The following EYS variants were observed in gnomAD, a reference collection of about 807,000 sequenced individuals.
EYS encodes EGF-like photoreceptor maintenance factor, also known as protein eyes shut homolog.
Under a neutral mutation model 282.1 loss-of-function variants are expected in EYS, and 250 were observed. The ratio of observed to expected loss-of-function variants is 0.89; its 90% confidence interval spans 0.80 to 0.98. The LOEUF is 0.98. Ranked by LOEUF, EYS falls within the 50% of genes least tolerant of loss-of-function variation. The pLI is 0.00. For missense variants in EYS, 4,016 were observed against 3,709.0 expected (o/e 1.08, Z -2.15); for synonymous variants, 1,355 against 1,282.9 (o/e 1.06, Z -1.20).
At chr6:64,567,880 A>G (rs1582903107) in intron 26 of EYS, among the ~76,000 whole-genome samples, 1 of 152,212 alleles carries the variant, frequency 6.6e-6, no homozygotes, top group Non-Finnish European at 1.5e-5. Context: ...CAGTACAACT[A>G]AAACAAGGGT....
rs1388356704 is a variant in EYS at position 64,822,729 on chromosome 6, T to G, written c.3086A>C (p.Asp1029Ala). The G allele has an allele frequency of 6.5e-7, 1 of 1,549,784 alleles. No individual in the cohort carries two copies. Among genetic ancestry groups the G allele is most frequent in the East Asian group, 2.4e-5 (1 of 40,818 alleles). The change falls in exon 20 of 43, where the codon GAC becomes GCC. Residue 1029 changes from aspartate to alanine, a missense_variant. By Grantham distance (126) the Asp-to-Ala change is moderately radical. Transcript: ENST00000503581. ...CIDGINHYTC[D>A]CKSGFFGTHC... The stretch of plus-strand genomic sequence containing the variant: ...TGTTCCAAAAAACCCACTCTTGCAG[T>G]CACAGGTATAATGATTGATGCCATC...
intron 2 of EYS, among the ~76,000 whole-genome samples, chr6:65,552,235 G>C (rs939096931): frequency 3.9e-5 from 6 of 152,026 alleles, no homozygotes; most frequent in African/African-American, 1.4e-4. Flanking sequence ...TTGTTATCTC[G>C]ACTACTTTGC....
intron 1 of EYS, among the ~76,000 whole-genome samples, chr6:65,681,706 A>G (rs1768828068): frequency 6.6e-6 from 1 of 152,032 alleles, no homozygotes; most frequent in East Asian, 1.9e-4. Flanking sequence ...TCTGACCAAG[A>G]CAATTTTAAT....
intron 31 of EYS, among the ~76,000 whole-genome samples, chr6:64,156,959 A>G (rs563855692): frequency 6.6e-6 from 1 of 151,938 alleles, no homozygotes; most frequent in East Asian, 1.9e-4. Flanking sequence ...TTAGTTACAT[A>G]TGTATACATG....
intron 5 of EYS, among the ~76,000 whole-genome samples, chr6:65,478,407 G>A (rs931521825): frequency 4.6e-5 from 7 of 152,068 alleles, no homozygotes; most frequent in Non-Finnish European, 7.4e-5. Flanking sequence ...TGAATGAGAA[G>A]TTGTTATGCC....
intron 35 of EYS, among the ~76,000 whole-genome samples, chr6:63,955,145 A>C (rs1380631246): frequency 6.6e-6 from 1 of 151,982 alleles, no homozygotes; most frequent in Non-Finnish European, 1.5e-5. Flanking sequence ...CAGCACAGTC[A>C]TTTCTTCCCT....
At chr6:63,857,707 C>A in intron 36 of EYS, 1 of 414,572 alleles carries the variant, frequency 2.4e-6, no homozygotes. Context: ...TGGATGTTGA[C>A]CTTTTTGCCA....
At chr6:65,586,859 G>A (rs1054251307) in intron 2 of EYS, among the ~76,000 whole-genome samples, 1 of 151,986 alleles carries the variant, frequency 6.6e-6, no homozygotes, top group Non-Finnish European at 1.5e-5. Context: ...TCTTTAACTA[G>A]ATGTATTTTT....
intron 26 of EYS, among the ~76,000 whole-genome samples, chr6:64,462,068 GC>G (rs1775767937): frequency 6.6e-6 from 1 of 152,050 alleles, no homozygotes; most frequent in African/African-American, 2.4e-5. Context: ...TGTATAAAAT[GC>G]TTTAAAATGT....
chr6:64,735,725 G>A (rs1352943947), intron 22 of EYS, among the ~76,000 whole-genome samples: 5 of 152,076 alleles, frequency 3.3e-5, no homozygotes, highest in Non-Finnish European at 7.4e-5. Context: ...GATGGATAGT[G>A]TCTGACAAAA....
intron 7 of EYS, among the ~76,000 whole-genome samples, chr6:65,394,840 C>T (rs1455530985): frequency 3.9e-5 from 6 of 152,096 alleles, no homozygotes; most frequent in Non-Finnish European, 8.8e-5. Context: ...TCTCTCACAG[C>T]CCAATGTCTA....
At chr6:65,467,165 T>C (rs2150413864) in intron 5 of EYS, among the ~76,000 whole-genome samples, 1 of 152,242 alleles carries the variant, frequency 6.6e-6, no homozygotes, top group Middle Eastern at 3.4e-3. Context: ...CCAGCTGGCA[T>C]TTGAGCTAAC....
At chr6:65,055,896 G>A (rs1773397572) in intron 13 of EYS, among the ~76,000 whole-genome samples, 1 of 151,996 alleles carries the variant, frequency 6.6e-6, no homozygotes, top group South Asian at 2.1e-4. Context: ...CTGTAAAGCT[G>A]CTCTTCCCTC....
At chr6:65,333,615 G>T (rs892635525) in intron 11 of EYS, among the ~76,000 whole-genome samples, 5 of 151,518 alleles carry the variant, frequency 3.3e-5, no homozygotes, top group African/African-American at 1.2e-4. Flanking sequence ...TGTTATATCT[G>T]CTATTGAAAG....
rs1333417684 is a variant in EYS at position 65,190,250 on chromosome 6, TTA to T, written c.2023+105611_2023+105612del. On this transcript the variant is annotated intron_variant, in intron 12 of 42. Coordinates refer to ENST00000503581, the MANE Select transcript of EYS (RefSeq NM_001142800.2). ...GTTTATATTTTATGTAAATTTATAT[TTA>T]TGTTTAATTTATATATTTATATGTT... Among the ~76,000 whole-genome samples, 8 of 148,316 alleles carry T rather than the reference TTA, an allele frequency of 5.4e-5. No homozygotes were observed. In the Admixed American group the frequency reaches 5.4e-4, roughly 10 times the overall value.
At chr6:64,729,238 A>G (rs1771872571) in intron 22 of EYS, among the ~76,000 whole-genome samples, 1 of 152,178 alleles carries the variant, frequency 6.6e-6, no homozygotes, top group African/African-American at 2.4e-5. Flanking sequence ...CCTGCCTCCT[A>G]TCCTTATCAC....
intron 11 of EYS, chr6:65,330,477 T>G (rs920906120): frequency 1.0e-6 from 1 of 984,424 alleles, no homozygotes; most frequent in Non-Finnish European, 1.2e-6. Context: ...TATGATTTAG[T>G]CTTTGGCTCA....
intron 29 of EYS, among the ~76,000 whole-genome samples, chr6:64,310,184 A>G (rs539071038): frequency 6.6e-6 from 1 of 152,306 alleles, no homozygotes; most frequent in African/African-American, 2.4e-5. Context: ...GCAATTCCTC[A>G]AAGCCTTAAA....
chr6:65,472,860 A>T (rs1233895782), intron 5 of EYS, among the ~76,000 whole-genome samples: 1 of 150,628 alleles, frequency 6.6e-6, no homozygotes, highest in Non-Finnish European at 1.5e-5. Flanking sequence ...CTTAAGATTT[A>T]TTTTTTTTTA....
Sources: allele counts gnomAD v4.1 joint callset (sites outside exome capture counted in the v4.1 genomes callset), GRCh38; gene constraint gnomAD v4.1.1; transcripts MANE v1.5; gene names NCBI Gene and HGNC (gene_info 2026-07-23, HGNC 2026-07-21).